Variants in PLEKHA4 observed in about 807,000 individuals in gnomAD.
PLEKHA4 encodes the protein pleckstrin homology domain containing A4.
Under a neutral mutation model 94.7 loss-of-function variants are expected in PLEKHA4, and 73 were observed. The observed-to-expected ratio is 0.77, with a 90% CI of 0.64 to 0.94. PLEKHA4 has a LOEUF of 0.94. Among genes scored for constraint, PLEKHA4 ranks in the 40% least tolerant of loss-of-function variants. The pLI, the probability that PLEKHA4 is intolerant of heterozygous loss-of-function variation, is 0.00. For synonymous variants in PLEKHA4, 449 were observed against 437.1 expected (o/e 1.03, Z -0.34); for missense variants, 1,049 against 1,054.1 (o/e 1.00, Z 0.07).
intron 16 of PLEKHA4, among the ~76,000 whole-genome samples, chr19:48,842,143 C>CTTTTTTTTTT (rs398059794): frequency 4.1e-5 from 5 of 121,446 alleles, no homozygotes; most frequent in African/African-American, 6.8e-5. Context: ...AATTTATTTT[C>CTTTTTTTTTT]TTTTTTTTTT....
At chr19:48,838,245 G>A (rs1432520064) in intron 18 of PLEKHA4, 116 bp from the exon 19 acceptor site, 2 of 575,958 alleles carry the variant, frequency 3.5e-6, no homozygotes, top group Non-Finnish European at 6.3e-6. Flanking sequence ...TAGCACAACA[G>A]AATGACTATA....
chr19:48,844,079 G>T (rs1417890929), intron 16 of PLEKHA4, among the ~76,000 whole-genome samples: 2 of 151,288 alleles, frequency 1.3e-5, no homozygotes, highest in African/African-American at 4.9e-5. Flanking sequence ...GGGATTACAG[G>T]CATGAGCCAA....
intron 9 of PLEKHA4, among the ~76,000 whole-genome samples, chr19:48,855,474 G>A (rs1413171541): frequency 6.6e-6 from 1 of 151,904 alleles, no homozygotes; most frequent in Non-Finnish European, 1.5e-5. Flanking sequence ...CGTAGTGACG[G>A]GCGCCTGTAA....
At chr19:48,838,185 G>A (rs891900517) in intron 18 of PLEKHA4, 56 bp from the exon 19 acceptor site, 2 of 974,758 alleles carry the variant, frequency 2.1e-6, no homozygotes, top group Non-Finnish European at 1.6e-6. Flanking sequence ...AGAGGTGGGG[G>A]ATGGTTAATT....
At chr19:48,853,552 A>G (rs2036284722) in intron 12 of PLEKHA4, 130 bp downstream of exon 12, 1 of 1,016,532 alleles carries the variant, frequency 9.8e-7, no homozygotes, top group East Asian at 3.0e-5. Flanking sequence ...GAGAGAAAAA[A>G]TAATAAAATT....
At chr19:48,850,214 A>G (rs1303440735) in intron 13 of PLEKHA4, among the ~76,000 whole-genome samples, 2 of 144,096 alleles carry the variant, frequency 1.4e-5, no homozygotes, top group Non-Finnish European at 3.0e-5. Flanking sequence ...TCATAAATAA[A>G]TAAGAGGGCG....
In PLEKHA4 at chr19:48,857,605, A is replaced by G. The variant is rs186434381; in HGVS notation, c.973-109T>C. ...TTCTGCCTTGGGATCCTGTTGATCT[A>G]TGACCTTACCCCCAACCCTGTGCTC... is the stretch of plus-strand genomic sequence containing the variant. On this transcript the variant is annotated intron_variant, in intron 8 of 19. Coordinates refer to ENST00000263265, the MANE Select transcript of PLEKHA4 (RefSeq NM_020904.3). The G allele has an allele frequency of 1.8e-3, 1,244 of 679,470 alleles. 9 individuals carry two copies. The highest frequency in any genetic ancestry group is 0.018 in the African/African-American group (977 of 54,064). The allele number at this position is 679,470 out of a possible 1,614,324, so 42.1% of individuals were successfully genotyped here. A position where few individuals can be genotyped will look rare whatever the true frequency, so the allele number is the denominator to read the frequency against.
intron 2 of PLEKHA4, 137 bp from the exon 3 acceptor site, chr19:48,865,747 G>A: frequency 5.0e-6 from 3 of 600,164 alleles, no homozygotes; most frequent in South Asian, 4.1e-5. Context: ...GGGCGCAGTG[G>A]CTCACACCTG....
In PLEKHA4 at chr19:48,859,120, G is replaced by T; in HGVS notation, c.712C>A (p.Arg238Ser). ...GGGAGGCTCAGAGGCGAGGGAGGGC[G>T]AGAGAGGGGGGTGAACAGGCTGTGG... Reference protein sequence around the residue: ...RSPDLFTPLSRPPSPLSLPRP... With the variant: ...RSPDLFTPLSSPPSPLSLPRP... The change falls in exon 8 of 20, where the codon CGC (arginine) becomes AGC (serine). Residue 238 changes from arginine (R) to serine (S), a missense_variant. By Grantham distance (110) the Arg-to-Ser change is moderately radical (BLOSUM62 -1). Coordinates refer to ENST00000263265, the MANE Select transcript of PLEKHA4 (RefSeq NM_020904.3). 1 of 1,513,606 alleles carries T rather than the reference G, an allele frequency of 6.6e-7. No individual in the cohort carries two copies. Among genetic ancestry groups the T allele is most frequent in the Non-Finnish European group, 8.8e-7 (1 of 1,137,030 alleles). The allele number at this position is 1,513,606 out of a possible 1,614,324, so 93.8% of individuals were successfully genotyped here.
In PLEKHA4 at chr19:48,858,957, G is replaced by C; in HGVS notation, c.875C>G (p.Ser292Cys). The change falls in exon 8 of 20, where the codon TCC (serine) becomes TGC (cysteine). Residue 292 changes from serine (S) to cysteine (C), a missense_variant. Ser to Cys is a moderately radical substitution (Grantham distance 112). Coordinates refer to ENST00000263265, the MANE Select transcript of PLEKHA4 (RefSeq NM_020904.3). ...TCCTCGGCGGGGAGTAGGGGGTCGGGAGAGGGTCTGGCGTTGGGGGCCCCA... is the reference window on the plus strand; with the variant it reads ...TCCTCGGCGGGGAGTAGGGGGTCGGCAGAGGGTCTGGCGTTGGGGGCCCCA... ...LDWGPQRQTL[S>C]RPPTPRRGPP... is the part of the protein sequence containing the mutation. The C allele has an allele frequency of 6.3e-7, 1 of 1,594,384 alleles. No individual in the cohort carries two copies. Among genetic ancestry groups the C allele is most frequent in the Non-Finnish European group, 8.5e-7 (1 of 1,173,898 alleles).
intron 13 of PLEKHA4, among the ~76,000 whole-genome samples, chr19:48,849,642 C>T (rs754703846): frequency 4.6e-5 from 7 of 152,152 alleles, no homozygotes; most frequent in Non-Finnish European, 8.8e-5. Flanking sequence ...TGATTTAGAA[C>T]TTGATGGCTA....
chr19:48,863,428 T>TTCTG (rs2036716711), intron 3 of PLEKHA4, among the ~76,000 whole-genome samples: 1 of 135,328 alleles, frequency 7.4e-6, no homozygotes, highest in Non-Finnish European at 1.6e-5. Context: ...AATTTAGGTT[T>TTCTG]TTTGTTTTTT....
intron 17 of PLEKHA4, among the ~76,000 whole-genome samples, chr19:48,840,407 A>C (rs1308062449): frequency 6.7e-6 from 1 of 149,512 alleles, no homozygotes; most frequent in Non-Finnish European, 1.5e-5. Context: ...CTTGTCCCTG[A>C]AAAAAAAAGA....
Position 48,857,425 on chromosome 19 carries a change from T to C in PLEKHA4, c.1044A>G (p.Leu348=). ...TAGGGTACTCCAGGATACCTACCAATAAAACCATGGAGGCCCGGGTCCCAG... is the reference window on the plus strand; with the variant it reads ...TAGGGTACTCCAGGATACCTACCAACAAAACCATGGAGGCCCGGGTCCCAG... ...RPPGTRASMV[L]LPGPPLESTF... is the part of the protein sequence containing the mutation. Residue 348 remains leucine, a synonymous_variant, in exon 9 of 20, where the codon TTA becomes TTG. Coordinates refer to ENST00000263265, the MANE Select transcript of PLEKHA4 (RefSeq NM_020904.3). 1 of 1,524,894 alleles carries C rather than the reference T, an allele frequency of 6.6e-7. No individual in the cohort carries two copies. Among genetic ancestry groups the C allele is most frequent in the Non-Finnish European group, 8.9e-7 (1 of 1,129,676 alleles). The allele number at this position is 1,524,894 out of a possible 1,614,324, so 94.5% of individuals were successfully genotyped here.
Position 48,853,838 on chromosome 19 carries a change from C to G in PLEKHA4, c.1177-7G>C, listed in dbSNP as rs2036298310. The G allele has an allele frequency of 1.2e-6, 2 of 1,600,806 alleles. No homozygotes were observed. The highest frequency in any genetic ancestry group is 2.2e-5 in the South Asian group (2 of 89,816). ...GAGCTGCTTCTAGTTGCTCCTGCAC[C>G]AAGACAGAAGGTGGTTAGACTTCAG... On this transcript the variant is annotated splice_region_variant and splice_polypyrimidine_tract_variant and intron_variant, in intron 11 of 19. Transcript: ENST00000263265.
chr19:48,839,397 T>TA, intron 17 of PLEKHA4, 134 bp from the exon 18 acceptor site: 1 of 513,756 alleles, frequency 1.9e-6, no homozygotes, highest in South Asian at 4.0e-5. Context: ...TTGTTTTTCC[T>TA]ATGCTTCTGT....
At chr19:48,861,592 A>AC in intron 4 of PLEKHA4, 28 bp downstream of exon 4, 1 of 1,609,090 alleles carries the variant, frequency 6.2e-7, no homozygotes. Flanking sequence ...GGGCCCTCCC[A>AC]CCCCAAGCCA....
intron 14 of PLEKHA4, among the ~76,000 whole-genome samples, chr19:48,847,089 T>A (rs1297280024): frequency 6.6e-6 from 1 of 152,128 alleles, no homozygotes; most frequent in Non-Finnish European, 1.5e-5. Context: ...AGTCCATATA[T>A]ATGTGGCACT....
In PLEKHA4 at chr19:48,841,429, C is replaced by A. The variant is rs1011852435; in HGVS notation, c.1744-119G>T. On this transcript the variant is annotated intron_variant, in intron 16 of 19. Coordinates refer to ENST00000263265, the MANE Select transcript of PLEKHA4 (RefSeq NM_020904.3). The stretch of plus-strand genomic sequence containing the variant: ...ATCACTTGAGGTCAGGAGTTGAAGA[C>A]CAGCCTGGCCAACTTGGCGAAATAC... The A allele has an allele frequency of 3.7e-6, 4 of 1,089,540 alleles. No homozygotes were observed. The African/African-American group carries it at 6.5e-5, about 18-fold the overall frequency. The allele number at this position is 1,089,540 out of a possible 1,614,324, so 67.5% of individuals were successfully genotyped here. A position where few individuals can be genotyped will look rare whatever the true frequency, so the allele number is the denominator to read the frequency against.
Sources: allele counts gnomAD v4.1 joint callset (sites outside exome capture counted in the v4.1 genomes callset), GRCh38; gene constraint gnomAD v4.1.1; transcripts MANE v1.5; gene names NCBI Gene and HGNC (gene_info 2026-07-23, HGNC 2026-07-21).